NFYA: variants seen among roughly 807,000 people sequenced by gnomAD.
NFYA encodes nuclear transcription factor Y subunit alpha, also known as CAAT-box DNA binding protein subunit A.
NFYA carries 28 observed loss-of-function variants against 52.8 expected under a neutral mutation model. The ratio of observed to expected loss-of-function variants is 0.53; its 90% confidence interval spans 0.39 to 0.73. NFYA has a LOEUF of 0.73. NFYA is among the 30% of genes least tolerant of loss of function. The pLI is 0.00. For synonymous variants in NFYA, 150 were observed against 150.7 expected, an observed-to-expected ratio of 1.00 and a Z score of 0.03; for missense variants, 234 against 427.0, an observed-to-expected ratio of 0.55 and a Z score of 3.98.
intron 4 of NFYA, among the ~76,000 whole-genome samples, chr6:41,087,426 GTTC>G (rs1362687066): frequency 1.3e-5 from 2 of 152,158 alleles, no homozygotes; most frequent in East Asian, 1.9e-4. Flanking sequence ...TTCTAGGCAT[GTTC>G]TTCTTTCCAG....
At chr6:41,075,115 G>A (rs1159290816) in intron 1 of NFYA, among the ~76,000 whole-genome samples, 1 of 152,164 alleles carries the variant, frequency 6.6e-6, no homozygotes, top group East Asian at 1.9e-4. Flanking sequence ...TGATTGTCAC[G>A]TTATCCGCAT....
chr6:41,088,411 A>G (rs1166404105), intron 4 of NFYA, among the ~76,000 whole-genome samples: 1 of 130,102 alleles, frequency 7.7e-6, no homozygotes, highest in East Asian at 2.1e-4. Flanking sequence ...CCACAGAGCG[A>G]CACTCCGTCT....
chr6:41,092,528 A>G (rs1764223448), intron 7 of NFYA, among the ~76,000 whole-genome samples: 1 of 152,228 alleles, frequency 6.6e-6, no homozygotes, highest in Non-Finnish European at 1.5e-5. Context: ...TTGAATTATA[A>G]GTTAACTATT....
At chr6:41,096,864 G>A (rs911665670) in intron 9 of NFYA, among the ~76,000 whole-genome samples, 5 of 152,326 alleles carry the variant, frequency 3.3e-5, no homozygotes, top group South Asian at 4.1e-4. Context: ...CCTAGTCCAC[G>A]CAAATCACTT....
chr6:41,081,755 A>G (rs1350893054), intron 3 of NFYA, among the ~76,000 whole-genome samples: 2 of 152,200 alleles, frequency 1.3e-5, no homozygotes, highest in Admixed American at 6.5e-5. Flanking sequence ...CTGGGGGAAT[A>G]GTGACCTGTC....
chr6:41,087,912 G>A (rs1431171377), intron 4 of NFYA, among the ~76,000 whole-genome samples: 1 of 152,064 alleles, frequency 6.6e-6, no homozygotes, highest in African/African-American at 2.4e-5. Context: ...GATAGCACAC[G>A]ATCCCTTGCT....
intron 1 of NFYA, among the ~76,000 whole-genome samples, chr6:41,073,929 G>A (rs1036032462): frequency 6.6e-6 from 1 of 152,200 alleles, no homozygotes. Context: ...AGCGGTCTCC[G>A]TTTCTTGTCC....
intron 3 of NFYA, among the ~76,000 whole-genome samples, 165 bp from the exon 4 acceptor site, chr6:41,083,881 A>G (rs1479438789): frequency 6.6e-6 from 1 of 152,274 alleles, no homozygotes; most frequent in African/African-American, 2.4e-5. Context: ...AACAGGATTC[A>G]TAGATATTTA....
intron 4 of NFYA, among the ~76,000 whole-genome samples, chr6:41,086,442 G>A (rs1764045832): frequency 6.6e-6 from 1 of 152,096 alleles, no homozygotes; most frequent in Non-Finnish European, 1.5e-5. Flanking sequence ...AATATATTCT[G>A]TTACGTAAAT....
intron 4 of NFYA, among the ~76,000 whole-genome samples, chr6:41,085,675 A>T (rs1764025653): frequency 6.6e-6 from 1 of 152,006 alleles, no homozygotes; most frequent in Non-Finnish European, 1.5e-5. Flanking sequence ...TCAAACTTGT[A>T]CTTTTTGTGT....
chr6:41,086,976 CAT>C (rs1764066262), intron 4 of NFYA, among the ~76,000 whole-genome samples: 3 of 152,050 alleles, frequency 2.0e-5, no homozygotes, highest in Admixed American at 2.0e-4. Flanking sequence ...TTGACTAAAA[CAT>C]AATATGCATT....
chr6:41,097,242 C>T, intron 9 of NFYA, 115 bp from the exon 10 acceptor site: 1 of 914,056 alleles, frequency 1.1e-6, no homozygotes, highest in Non-Finnish European at 1.8e-6. Context: ...TATTACAAGC[C>T]TTTGATTTAC....
At chr6:41,088,691 C>T (rs148404783) in intron 4 of NFYA, among the ~76,000 whole-genome samples, 24 of 151,312 alleles carry the variant, frequency 1.6e-4, no homozygotes, top group Non-Finnish European at 2.8e-4. Flanking sequence ...CTCAAATGAT[C>T]CTCCCACCTC....
At chr6:41,085,673 G>A (rs1328637260) in intron 4 of NFYA, among the ~76,000 whole-genome samples, 1 of 151,960 alleles carries the variant, frequency 6.6e-6, no homozygotes, top group South Asian at 2.1e-4. Context: ...AATCAAACTT[G>A]TACTTTTTGT....
intron 1 of NFYA, among the ~76,000 whole-genome samples, chr6:41,075,018 T>G (rs1044311906): frequency 6.6e-6 from 1 of 152,234 alleles, no homozygotes; most frequent in Non-Finnish European, 1.5e-5. Context: ...CAGTGCTCTT[T>G]CATTACTAAA....
intron 1 of NFYA, among the ~76,000 whole-genome samples, chr6:41,078,636 A>G: frequency 6.6e-6 from 1 of 152,218 alleles, no homozygotes; most frequent in Non-Finnish European, 1.5e-5. Flanking sequence ...GGACCTGAGT[A>G]ACATGTTTGG....
Position 41,101,326 on chromosome 6 carries a change from A to C in NFYA, c.*3916A>C, listed in dbSNP as rs1459990266. 6.6e-6 allele frequency: 1 copy of C among 152,232 alleles called. No individual in the cohort carries two copies. The allele number at this position is 152,232 out of a possible 1,614,324, so 9.4% of individuals were successfully genotyped here. A position where few individuals can be genotyped will look rare whatever the true frequency, so the allele number is the denominator to read the frequency against. On this transcript the variant is annotated 3_prime_UTR_variant, in exon 10 of 10. Transcript: ENST00000341376. Reference sequence around the variant, plus strand: ...TTTAACTTCGTGCTGCGGCTTCCTTAGGAAACTTTGAGTATCTTCGTTTTA... The same window carrying C: ...TTTAACTTCGTGCTGCGGCTTCCTTCGGAAACTTTGAGTATCTTCGTTTTA...
At chr6:41,091,067 A>C (rs1561855297) in intron 6 of NFYA, among the ~76,000 whole-genome samples, 1 of 152,248 alleles carries the variant, frequency 6.6e-6, no homozygotes, top group Non-Finnish European at 1.5e-5. Flanking sequence ...CAAATCCTCA[A>C]GTGCTGCTAT....
chr6:41,093,788 A>G (rs948751748), intron 8 of NFYA, among the ~76,000 whole-genome samples: 8 of 152,202 alleles, frequency 5.3e-5, no homozygotes, highest in African/African-American at 1.9e-4. Flanking sequence ...CTTTCTTTCA[A>G]GGAAACTTTG....
Sources: allele counts gnomAD v4.1 joint callset (sites outside exome capture counted in the v4.1 genomes callset), GRCh38; gene constraint gnomAD v4.1.1; transcripts MANE v1.5; gene names NCBI Gene and HGNC (gene_info 2026-07-23, HGNC 2026-07-21).